Variants in PCDH7 observed in about 807,000 individuals in gnomAD.
The protein encoded by PCDH7 is protocadherin-7.
Under a neutral mutation model 58.9 loss-of-function variants are expected in PCDH7, and 17 were observed. The ratio of observed to expected loss-of-function variants is 0.29; its 90% CI spans 0.20 to 0.43. The LOEUF (loss-of-function observed/expected upper bound fraction) is 0.43, where lower values mean the gene tolerates loss of function less well. Among genes scored for constraint, PCDH7 ranks in the 20% least tolerant of loss-of-function variants. The pLI is 1.00. For missense variants in PCDH7, 1,274 were observed against 1,441.0 expected (o/e 0.88, Z 1.88); for synonymous variants, 664 against 616.4 (o/e 1.08, Z -1.14).
At chr4:30,812,795 C>A (rs2109314881) in intron 1 of PCDH7, among the ~76,000 whole-genome samples, 1 of 152,262 alleles carries the variant, frequency 6.6e-6, no homozygotes, top group African/African-American at 2.4e-5. Context: ...AGGCTACTTA[C>A]ATTTTTCTTG....
chr4:31,062,929 T>C (rs1408073491), intron 3 of PCDH7, among the ~76,000 whole-genome samples: 1 of 151,910 alleles, frequency 6.6e-6, no homozygotes, highest in South Asian at 2.1e-4. Context: ...CTGTGTATAA[T>C]GTATATAATA....
chr4:30,737,733 G>A (rs112332177), downstream of PCDH7, among the ~76,000 whole-genome samples: 770 of 152,224 alleles, frequency 5.1e-3, 6 homozygotes, highest in African/African-American at 0.017. Context: ...CATGTCCCTG[G>A]TAAAGGTGGA....
chr4:30,841,428 A>G (rs1185619101), intron 1 of PCDH7, among the ~76,000 whole-genome samples: 4 of 152,136 alleles, frequency 2.6e-5, no homozygotes, highest in Non-Finnish European at 5.9e-5. Context: ...TCTGTGCTCT[A>G]TCTTTTCAGT....
intron 1 of PCDH7, among the ~76,000 whole-genome samples, chr4:30,880,512 C>A (rs13152756): frequency 0.23 from 35,640 of 152,040 alleles, 4,276 homozygotes; most frequent in Middle Eastern, 0.26. Flanking sequence ...AACACCTCTG[C>A]ACTGAATTTC....
intron 3 of PCDH7, among the ~76,000 whole-genome samples, chr4:30,984,353 G>A (rs1388055027): frequency 2.0e-5 from 3 of 152,114 alleles, no homozygotes; most frequent in African/African-American, 4.8e-5. Context: ...GTGTTTGTTC[G>A]ACGCTTATTG....
chr4:30,722,190 G>T lies in PCDH7; in HGVS notation c.768G>T (p.Lys256Asn). The T allele has an allele frequency of 6.4e-7, 1 of 1,567,488 alleles. No individual in the cohort carries two copies. The change falls in exon 1 of 2, where the codon AAG (lysine) becomes AAT (asparagine). Residue 256 changes from lysine (K) to asparagine (N), a missense_variant. Coordinates refer to ENST00000361762, the Ensembl canonical transcript of PCDH7. This position sits in a 1 kb window ranked among gnomAD's most constrained non-coding sequence, Gnocchi z 7.6. ...TGGCGGACACCCCGGACGGCGAGAA[G>T]CAGCCGCAGCTGATCGTGAAGGGGG...
chr4:30,897,772 CAA>C (rs1739639284), intron 1 of PCDH7, among the ~76,000 whole-genome samples: 1 of 152,098 alleles, frequency 6.6e-6, no homozygotes, highest in Non-Finnish European at 1.5e-5. Context: ...TATTGTAAAC[CAA>C]TGAAATAGGT....
intron 1 of PCDH7, among the ~76,000 whole-genome samples, chr4:30,865,974 G>A (rs1470216690): frequency 1.3e-5 from 2 of 152,070 alleles, no homozygotes; most frequent in Non-Finnish European, 1.5e-5. Flanking sequence ...TGGAAAACTG[G>A]ATAAAATGGT....
At chr4:31,123,619 G>A (rs75031775) in intron 3 of PCDH7, among the ~76,000 whole-genome samples, 2 of 152,168 alleles carry the variant, frequency 1.3e-5, no homozygotes, top group African/African-American at 2.4e-5. Flanking sequence ...TGCTCTTTTA[G>A]CTTTGCTGTT....
At chr4:30,736,535 A>ATTT (rs35719962), downstream of PCDH7, among the ~76,000 whole-genome samples, 71 of 134,558 alleles carry the variant, frequency 5.3e-4, no homozygotes, top group African/African-American at 1.8e-3. Flanking sequence ...ATTTTCATTT[A>ATTT]TTTTTTTTTT....
chr4:31,104,340 C>A (rs990295276), intron 3 of PCDH7, among the ~76,000 whole-genome samples: 2 of 152,030 alleles, frequency 1.3e-5, no homozygotes, highest in Non-Finnish European at 2.9e-5. Flanking sequence ...ATATTTCCTG[C>A]CAAATATACT....
intron 1 of PCDH7, among the ~76,000 whole-genome samples, chr4:30,800,010 C>T (rs571055087): frequency 1.1e-3 from 170 of 151,576 alleles, no homozygotes; most frequent in Middle Eastern, 3.4e-3. Flanking sequence ...CACACCACCA[C>T]ACCCGGCTAT....
In PCDH7 at chr4:30,907,542, A is replaced by T. The variant is rs371611074; in HGVS notation, c.71-12611A>T. ...CATCAGAGAAATGCAAATTAAAACC[A>T]CAATGAGATACCATCTCACACCAGT... On this transcript the variant is annotated intron_variant, in intron 1 of 3. Coordinates refer to the PCDH7 transcript ENST00000509759. 7.2e-4 allele frequency among the ~76,000 whole-genome samples: 109 copies of T among 152,330 alleles called. No individual in the cohort carries two copies. The Middle Eastern group carries it at 0.02, about 29-fold the overall frequency.
chr4:31,006,892 C>CA (rs71651570), intron 3 of PCDH7, among the ~76,000 whole-genome samples: 7,042 of 118,116 alleles, frequency 0.06, 368 homozygotes, highest in East Asian at 0.29. Flanking sequence ...AACTTTGTCT[C>CA]AAAAAAAAAA....
chr4:30,953,083 C>T (rs911432381), intron 3 of PCDH7, among the ~76,000 whole-genome samples: 17 of 152,012 alleles, frequency 1.1e-4, no homozygotes, highest in African/African-American at 3.1e-4. Context: ...TAACAAATCC[C>T]GTCTTAGATT....
chr4:31,072,896 T>C (rs1758671997), intron 3 of PCDH7, among the ~76,000 whole-genome samples: 1 of 152,054 alleles, frequency 6.6e-6, no homozygotes, highest in Non-Finnish European at 1.5e-5. Flanking sequence ...CATTCTTTAG[T>C]GCGGAGTATG....
At chr4:30,737,060 A>G (rs779327372), downstream of PCDH7, among the ~76,000 whole-genome samples, 1 of 152,030 alleles carries the variant, frequency 6.6e-6, no homozygotes, top group Middle Eastern at 3.2e-3. Context: ...AAAATAGAAA[A>G]CTAAAGCTGG....
chr4:30,952,371 G>T (rs1747444275), intron 3 of PCDH7, among the ~76,000 whole-genome samples: 1 of 151,862 alleles, frequency 6.6e-6, no homozygotes, highest in Non-Finnish European at 1.5e-5. Context: ...GGAAAATAAA[G>T]AGGCTATGCT....
At chr4:30,938,143 C>G (rs975906639) in intron 2 of PCDH7, among the ~76,000 whole-genome samples, 3 of 152,068 alleles carry the variant, frequency 2.0e-5, no homozygotes, top group Non-Finnish European at 2.9e-5. Context: ...ATGTATGCCT[C>G]TGAGCTCTTT....
Sources: gnomAD v4.1 joint callset for allele counts (sites outside exome capture counted in the v4.1 genomes callset) on GRCh38, gnomAD v4.1.1 for gene constraint, Gnocchi (gnomAD v3.1) non-coding constraint, MANE v1.5 for transcripts, NCBI Gene and HGNC (gene_info 2026-07-23, HGNC 2026-07-21) for gene names.